CABLES1: variants seen among roughly 807,000 people sequenced by gnomAD.
The protein encoded by CABLES1 is Cdk5 and Abl enzyme substrate 1, also known as CDK5 and ABL1 enzyme substrate 1.
Under a neutral mutation model 57.8 loss-of-function variants are expected in CABLES1, and 36 were observed. The ratio of observed to expected loss-of-function variants is 0.62; its 90% CI spans 0.48 to 0.82. CABLES1 has a LOEUF of 0.82. Ranked by LOEUF, CABLES1 falls within the 40% of genes least tolerant of loss-of-function variation. The pLI is 0.00. For missense variants in CABLES1, 767 were observed against 836.6 expected (o/e 0.92, Z 1.03); for synonymous variants, 374 against 363.0 (o/e 1.03, Z -0.35).
At chr18:23,175,909 A>G (rs760465602) in intron 1 of CABLES1, among the ~76,000 whole-genome samples, 4 of 152,220 alleles carry the variant, frequency 2.6e-5, no homozygotes, top group Non-Finnish European at 4.4e-5. Flanking sequence ...TGTCCTCAAG[A>G]TACCTGCTGT....
intron 7 of CABLES1, among the ~76,000 whole-genome samples, chr18:23,240,117 CAACAA>C (rs903129714): frequency 6.6e-6 from 1 of 152,070 alleles, no homozygotes; most frequent in Non-Finnish European, 1.5e-5. Context: ...GACCCTGTCT[CAACAA>C]AACAAAACAA....
intron 1 of CABLES1, among the ~76,000 whole-genome samples, chr18:23,172,350 C>G (rs990390624): frequency 3.3e-5 from 5 of 152,180 alleles, no homozygotes; most frequent in African/African-American, 9.7e-5. Flanking sequence ...TTCTTGGGAT[C>G]ATACACTCTG....
chr18:23,237,255 G>A lies in CABLES1; in HGVS notation c.1446+10G>A, dbSNP rs766297106. 28 of 1,565,020 alleles carry A rather than the reference G, an allele frequency of 1.8e-5. No homozygotes were observed. Among genetic ancestry groups the A allele is most frequent in the Middle Eastern group, 1.7e-4 (1 of 5,964 alleles). Reference sequence around the variant, plus strand: ...CTTCCCTTCCTACATGGTGAGTAGCGTGGAATGGAGGCTCCGTTTGCTGCA... The same window carrying A: ...CTTCCCTTCCTACATGGTGAGTAGCATGGAATGGAGGCTCCGTTTGCTGCA... On this transcript the variant is annotated intron_variant, in intron 7 of 9. Transcript: ENST00000256925.
At chr18:23,180,542 G>A (rs796270115) in intron 1 of CABLES1, among the ~76,000 whole-genome samples, 6 of 151,918 alleles carry the variant, frequency 3.9e-5, no homozygotes, top group African/African-American at 1.4e-4. Flanking sequence ...GTAGAGACAG[G>A]GTCTCACTCT....
rs969437336 is a variant in CABLES1, at chr18:23,241,615, C to T, written c.1446+4370C>T. Among the ~76,000 whole-genome samples, 6 of 152,298 alleles carry T rather than the reference C, an allele frequency of 3.9e-5. No homozygotes were observed. In the South Asian group the frequency reaches 8.3e-4, roughly 21 times the overall value. ...TCCTGTTGATAGATATTTGTTCATGCGGCTGCCATGAATGTTCTTGTGCAT... is the reference window on the plus strand; with the variant it reads ...TCCTGTTGATAGATATTTGTTCATGTGGCTGCCATGAATGTTCTTGTGCAT... On this transcript the variant is annotated intron_variant, in intron 7 of 9. Coordinates refer to ENST00000256925, the MANE Select transcript of CABLES1 (RefSeq NM_001100619.3).
At chr18:23,186,528 C>T (rs537126750) in intron 1 of CABLES1, among the ~76,000 whole-genome samples, 2 of 151,586 alleles carry the variant, frequency 1.3e-5, no homozygotes, top group Non-Finnish European at 2.9e-5. Flanking sequence ...TGGGTTCAAG[C>T]GATTCTCCTG....
At chr18:23,172,732 C>T (rs1366473803) in intron 1 of CABLES1, among the ~76,000 whole-genome samples, 1 of 152,240 alleles carries the variant, frequency 6.6e-6, no homozygotes, top group African/African-American at 2.4e-5. Context: ...TTAAGCACAG[C>T]TCTCATGCTG....
At chr18:23,226,427 G>A (rs2047528546) in intron 4 of CABLES1, among the ~76,000 whole-genome samples, 1 of 151,810 alleles carries the variant, frequency 6.6e-6, no homozygotes, top group South Asian at 2.1e-4. Flanking sequence ...AAGTTCCTGA[G>A]GGTCAAGCCT....
intron 3 of CABLES1, chr18:23,204,306 CT>C (rs1355738471): frequency 6.6e-6 from 1 of 152,190 alleles, no homozygotes; most frequent in Non-Finnish European, 1.5e-5. Context: ...AGGCTGGCTG[CT>C]TCTGTAGTGT....
At chr18:23,231,630 C>T (rs1305381120) in intron 4 of CABLES1, among the ~76,000 whole-genome samples, 2 of 152,134 alleles carry the variant, frequency 1.3e-5, no homozygotes, top group Non-Finnish European at 2.9e-5. Context: ...CCTTGCCCGT[C>T]TTTCTTGTGG....
chr18:23,186,531 T>G (rs1035214963), intron 1 of CABLES1, among the ~76,000 whole-genome samples: 17 of 151,998 alleles, frequency 1.1e-4, no homozygotes, highest in African/African-American at 3.9e-4. Context: ...GTTCAAGCGA[T>G]TCTCCTGCCT....
intron 3 of CABLES1, among the ~76,000 whole-genome samples, chr18:23,210,998 T>A (rs954435819): frequency 7.9e-5 from 12 of 152,110 alleles, no homozygotes; most frequent in African/African-American, 2.9e-4. Context: ...AAACTTGACC[T>A]ATGCGGTAAA....
rs199714012 is a variant in CABLES1 at position 23,253,793 on chromosome 18, A to G, written c.1618A>G (p.Met540Val). The G allele has an allele frequency of 1.4e-5, 22 of 1,614,104 alleles. 1 individual carries two copies. The highest frequency in any genetic ancestry group is 1.8e-5 in the Non-Finnish European group (21 of 1,180,044). Residue 540 changes from methionine to valine, a missense_variant, in exon 9 of 10, where the codon ATG (methionine) becomes GTG (valine). Transcript: ENST00000256925. ...DCGLEEPTVAMAFVYFEKLAL... is the reference protein window; with the variant it reads ...DCGLEEPTVAVAFVYFEKLAL... ...TGGCCTTGAGGAGCCCACGGTGGCC[A>G]TGGCCTTCGTCTACTTTGAAAAGCT...
intron 3 of CABLES1, chr18:23,204,555 T>G (rs1215173021): frequency 6.6e-6 from 1 of 152,334 alleles, no homozygotes; most frequent in African/African-American, 2.4e-5. Flanking sequence ...ATTCATCTGT[T>G]CTTATGCTGC....
intron 4 of CABLES1, among the ~76,000 whole-genome samples, chr18:23,216,430 C>T (rs2047442460): frequency 6.6e-6 from 1 of 152,164 alleles, no homozygotes; most frequent in Non-Finnish European, 1.5e-5. Context: ...CTGGTATCTG[C>T]CTCCCAGAGG....
intron 7 of CABLES1, among the ~76,000 whole-genome samples, chr18:23,249,438 G>T (rs2047983741): frequency 6.6e-6 from 1 of 152,212 alleles, no homozygotes; most frequent in African/African-American, 2.4e-5. Context: ...TGATTTGGAA[G>T]CCCTGGGTCT....
intron 1 of CABLES1, among the ~76,000 whole-genome samples, chr18:23,141,230 C>G (rs568976173): frequency 7.0e-4 from 106 of 152,358 alleles, no homozygotes; most frequent in Non-Finnish European, 1.4e-3. Flanking sequence ...TAGCAGAGCT[C>G]AGGCTCACTA....
chr18:23,194,888 T>C (rs946952518), intron 3 of CABLES1, among the ~76,000 whole-genome samples: 3 of 152,346 alleles, frequency 2.0e-5, no homozygotes, highest in African/African-American at 7.2e-5. Context: ...GGTTTTGTTT[T>C]CGTTTTTCAC....
At chr18:23,156,510 C>G (rs529449671) in intron 1 of CABLES1, among the ~76,000 whole-genome samples, 1 of 152,206 alleles carries the variant, frequency 6.6e-6, no homozygotes, top group Non-Finnish European at 1.5e-5. Context: ...CATTATACAA[C>G]TTTTAGCTAA....
Sources: gnomAD v4.1 joint callset for allele counts (sites outside exome capture counted in the v4.1 genomes callset) on GRCh38, gnomAD v4.1.1 for gene constraint, MANE v1.5 for transcripts, NCBI Gene and HGNC (gene_info 2026-07-23, HGNC 2026-07-21) for gene names.